Variants in HMGB1 observed in about 807,000 individuals in gnomAD.
HMGB1 encodes the protein high mobility group box 1.
For missense variants in HMGB1, 79 were observed against 253.5 expected, an observed-to-expected ratio of 0.31 and a Z score of 4.67; for synonymous variants, 81 against 84.0, an observed-to-expected ratio of 0.96 and a Z score of 0.19.
chr13:30,574,985 G>A (rs1213216537), intron 1 of HMGB1, among the ~76,000 whole-genome samples: 2 of 152,154 alleles, frequency 1.3e-5, no homozygotes, highest in Non-Finnish European at 2.9e-5. Context: ...AGATGTGTCT[G>A]TTGGGGAATC....
At chr13:30,476,176 T>G (rs1887093414) in intron 1 of HMGB1, among the ~76,000 whole-genome samples, 1 of 129,630 alleles carries the variant, frequency 7.7e-6, no homozygotes. Flanking sequence ...TCAGTTTTTT[T>G]ATTTTGAGAC....
chr13:30,579,885 G>T (rs1870828077), intron 1 of HMGB1, among the ~76,000 whole-genome samples: 1 of 152,098 alleles, frequency 6.6e-6, no homozygotes, highest in Non-Finnish European at 1.5e-5. Context: ...AGATTACAGT[G>T]AAATAAAAAA....
At chr13:30,481,324 G>A (rs1421002725) in intron 1 of HMGB1, among the ~76,000 whole-genome samples, 1 of 151,764 alleles carries the variant, frequency 6.6e-6, no homozygotes, top group African/African-American at 2.4e-5. Flanking sequence ...AAAAGAGAAT[G>A]CCAAGAAGGG....
intron 1 of HMGB1, among the ~76,000 whole-genome samples, chr13:30,527,119 C>T (rs773695682): frequency 3.3e-5 from 5 of 152,192 alleles, no homozygotes; most frequent in East Asian, 1.9e-4. Context: ...GGGGCCGCAG[C>T]GGCTGTGCAT....
rs968114500 is a variant in HMGB1, at chr13:30,554,360, G to A, written c.-15+62311C>T. On this transcript the variant is annotated intron_variant, in intron 1 of 4. Coordinates refer to the HMGB1 transcript ENST00000405805. ...CACGGGCACCTTCTCTCTGGTAGACGCTTGTCTTGTTTTGATGGGAAAAGG... is the reference window on the plus strand; with the variant it reads ...CACGGGCACCTTCTCTCTGGTAGACACTTGTCTTGTTTTGATGGGAAAAGG... 10 of 853,554 alleles carry A rather than the reference G, an allele frequency of 1.2e-5. No individual in the cohort carries two copies. In the Admixed American group the frequency reaches 1.4e-4, roughly 12 times the overall value. The allele number at this position is 853,554 out of a possible 1,614,324, so 52.9% of individuals were successfully genotyped here.
At chr13:30,498,923 C>T (rs1383248494) in intron 1 of HMGB1, among the ~76,000 whole-genome samples, 1 of 149,360 alleles carries the variant, frequency 6.7e-6, no homozygotes, top group Non-Finnish European at 1.5e-5. Context: ...GCTGGGATTA[C>T]AAGTGTGAGC....
Position 30,459,653 on chromosome 13 carries a change from A to G in HMGB1, c.*1704T>C, listed in dbSNP as rs1412865853. ...TTTCCTCCTTTATATATAGCACCGA[A>G]TACTTGCAATGTTTGACAAAACCTT... On this transcript the variant is annotated 3_prime_UTR_variant, in exon 5 of 5. Transcript: ENST00000341423. 1 of 152,178 alleles carries G rather than the reference A, an allele frequency of 6.6e-6. No individual in the cohort carries two copies. Among genetic ancestry groups the G allele is most frequent in the Non-Finnish European group, 1.5e-5 (1 of 68,008 alleles). 9.4% of individuals were successfully genotyped at this position (152,178 alleles called of 1,614,324 possible).
chr13:30,495,084 A>C (rs955982613), intron 1 of HMGB1, among the ~76,000 whole-genome samples: 1 of 152,170 alleles, frequency 6.6e-6, no homozygotes, highest in African/African-American at 2.4e-5. Flanking sequence ...ATCGACGGAC[A>C]ATTGGGTCAT....
chr13:30,602,614 G>T (rs1418900082), intron 1 of HMGB1, among the ~76,000 whole-genome samples: 1 of 152,104 alleles, frequency 6.6e-6, no homozygotes, highest in Admixed American at 6.5e-5. Context: ...AATAACCTTA[G>T]AATTTATATG....
chr13:30,485,034 C>CTTT (rs59990628), intron 1 of HMGB1, among the ~76,000 whole-genome samples: 79 of 134,554 alleles, frequency 5.9e-4, no homozygotes, highest in East Asian at 1.9e-3. Flanking sequence ...TTTTCTTTTT[C>CTTT]TTTTTTTTTT....
chr13:30,508,850 G>C (rs1417305179), intron 1 of HMGB1, among the ~76,000 whole-genome samples: 2 of 152,140 alleles, frequency 1.3e-5, no homozygotes, highest in South Asian at 2.1e-4. Flanking sequence ...CAGCACCACC[G>C]TTCTGCCTTG....
intron 1 of HMGB1, among the ~76,000 whole-genome samples, chr13:30,491,538 C>A (rs1887491698): frequency 6.6e-6 from 1 of 151,706 alleles, no homozygotes; most frequent in South Asian, 2.1e-4. Flanking sequence ...TGGTGCACGC[C>A]TGTAATTCCA....
At chr13:30,602,960 C>T (rs1006597560) in intron 1 of HMGB1, among the ~76,000 whole-genome samples, 1 of 152,182 alleles carries the variant, frequency 6.6e-6, no homozygotes, top group African/African-American at 2.4e-5. Flanking sequence ...CATGCCACCA[C>T]GTCCAGCTTA....
upstream of HMGB1, among the ~76,000 whole-genome samples, chr13:30,466,616 A>G (rs1886795799): frequency 6.6e-6 from 1 of 152,320 alleles, no homozygotes; most frequent in African/African-American, 2.4e-5. Flanking sequence ...ATCTTGAGTC[A>G]GTGAGCAGGC....
At chr13:30,538,506 C>A (rs1484556945) in intron 1 of HMGB1, among the ~76,000 whole-genome samples, 1 of 109,896 alleles carries the variant, frequency 9.1e-6, no homozygotes, top group African/African-American at 4.8e-5. Flanking sequence ...TTCTTTCTTT[C>A]TTTCCTTTCT....
intron 1 of HMGB1, among the ~76,000 whole-genome samples, chr13:30,507,890 G>A (rs1256777496): frequency 6.6e-6 from 1 of 152,140 alleles, no homozygotes; most frequent in African/African-American, 2.4e-5. Context: ...CAGCTATTAA[G>A]GAAGGCTGAA....
At position 30,559,520 on chromosome 13, in the gene HMGB1, G is replaced by A. The variant is rs1361984682; in HGVS notation, c.-15+57151C>T. 7.2e-5 allele frequency among the ~76,000 whole-genome samples: 11 copies of A among 152,164 alleles called. No individual in the cohort carries two copies. On this transcript the variant is annotated intron_variant, in intron 1 of 4. Coordinates refer to the HMGB1 transcript ENST00000405805. This position sits in a 1 kb window ranked among gnomAD's most constrained non-coding sequence, Gnocchi z 6.6. ...CACCTCTTCAGCAATATGGCATATTGCAAAGTAGTGTTCAGAGATGTGCGT... is the reference window on the plus strand; with the variant it reads ...CACCTCTTCAGCAATATGGCATATTACAAAGTAGTGTTCAGAGATGTGCGT...
Position 30,553,599 on chromosome 13 carries a change from T to C in HMGB1, c.-15+63072A>G, listed in dbSNP as rs116308178. On this transcript the variant is annotated intron_variant, in intron 1 of 4. Transcript: ENST00000405805. ...TAATGATTGACTATAATAAACCACA[T>C]TGAGTGTCTGTCCAGCTTAGGAGCC... The C allele has an allele frequency of 1.5e-3, 899 of 582,002 alleles. 6 individuals carry two copies. The highest frequency in any genetic ancestry group is 0.015 in the African/African-American group (820 of 53,852). 36.1% of individuals were successfully genotyped at this position (582,002 alleles called of 1,614,324 possible). A position where few individuals can be genotyped will look rare whatever the true frequency, so the allele number is the denominator to read the frequency against.
At chr13:30,505,367 AC>A (rs1887832955) in intron 1 of HMGB1, among the ~76,000 whole-genome samples, 1 of 151,994 alleles carries the variant, frequency 6.6e-6, no homozygotes, top group Non-Finnish European at 1.5e-5. Flanking sequence ...TTTAGTAGAG[AC>A]AGGGTTTCAC....
Sources: gnomAD v4.1 joint callset for allele counts (sites outside exome capture counted in the v4.1 genomes callset) on GRCh38, gnomAD v4.1.1 for gene constraint, Gnocchi (gnomAD v3.1) non-coding constraint, MANE v1.5 for transcripts, NCBI Gene and HGNC (gene_info 2026-07-23, HGNC 2026-07-21) for gene names.